SASH1: variants seen among roughly 807,000 people sequenced by gnomAD.
SASH1 encodes the protein SAM and SH3 domain-containing protein 1.
Under a neutral mutation model 125.2 loss-of-function variants are expected in SASH1, and 44 were observed. That is an observed-to-expected ratio of 0.35 (90% CI 0.28 to 0.45). SASH1 has a LOEUF of 0.45. Among genes scored for constraint, SASH1 ranks in the 20% least tolerant of loss-of-function variants. SASH1 has a pLI of 1.00. For synonymous variants in SASH1, 639 were observed against 649.1 expected (o/e 0.98, Z 0.24); for missense variants, 1,426 against 1,614.5 (o/e 0.88, Z 2.00).
At chr6:148,365,939 C>T (rs1782431849) in intron 1 of SASH1, among the ~76,000 whole-genome samples, 2 of 152,108 alleles carry the variant, frequency 1.3e-5, no homozygotes, top group African/African-American at 2.4e-5. Flanking sequence ...GTGGTGAAAC[C>T]TCATCTCTAC....
chr6:148,546,411 G>A (rs533635082), intron 19 of SASH1, among the ~76,000 whole-genome samples: 43 of 152,330 alleles, frequency 2.8e-4, no homozygotes, highest in Middle Eastern at 3.4e-3. Context: ...GTGCACACCT[G>A]TAATCCTAGT....
intron 6 of SASH1, 146 bp downstream of exon 6, chr6:148,471,649 A>G: frequency 1.6e-6 from 1 of 610,068 alleles, no homozygotes; most frequent in Non-Finnish European, 2.9e-6. Context: ...CATTTCTGTT[A>G]TTACTTTAAG....
chr6:148,447,676 C>CTCTTCTTCT lies in SASH1; in HGVS notation c.386+7271_386+7272insTTCTTCTTC, dbSNP rs879759256. 5.2e-3 allele frequency among the ~76,000 whole-genome samples: 353 copies of CTCTTCTTCT among 67,926 alleles called. 2 individuals carry two copies. Among genetic ancestry groups the CTCTTCTTCT allele is most frequent in the Non-Finnish European group, 0.01 (279 of 27,464 alleles). The allele number at this position is 67,926 out of a possible 152,430, so 44.6% of individuals were successfully genotyped here. ...CCTCCTCTTCTTCCTCTTGTTCTTCCTCCTCTTCTTCTTCCTCTTCTCCTC... is the reference window on the plus strand; with the variant it reads ...CCTCCTCTTCTTCCTCTTGTTCTTCCTCTTCTTCTTCCTCTTCTTCTTCCTCTTCTCCTC... On this transcript the variant is annotated intron_variant, in intron 4 of 19. Transcript: ENST00000367467.
At position 148,296,420 on chromosome 6, in the gene SASH1, C is replaced by T. The variant is rs183127087; in HGVS notation, n.74+24043C>T. ...GGATTACAGGCATGAGCCACTACCC[C>T]AGGCCCTTGTGTATTATTATCATTA... On this transcript the variant is annotated intron_variant and non_coding_transcript_variant, in intron 1 of 3. Coordinates refer to the SASH1 transcript ENST00000367469. 2.4e-3 allele frequency among the ~76,000 whole-genome samples: 362 copies of T among 152,328 alleles called. 2 individuals carry two copies. The highest frequency in any genetic ancestry group is 3.6e-3 in the Non-Finnish European group (245 of 68,034).
chr6:148,224,088 G>T, the SASH1 span, among the ~76,000 whole-genome samples: 1 of 152,202 alleles, frequency 6.6e-6, no homozygotes, highest in Non-Finnish European at 1.5e-5. Context: ...GAGGCCAGGA[G>T]TTTGAGCCCA....
At chr6:148,202,122 G>T in the SASH1 span, among the ~76,000 whole-genome samples, 3 of 152,012 alleles carry the variant, frequency 2.0e-5, no homozygotes, top group African/African-American at 4.8e-5. Flanking sequence ...GCAAATGCTG[G>T]ATTCAGTTTT....
chr6:148,314,410 C>T (rs1780424457), intron 1 of SASH1, among the ~76,000 whole-genome samples: 1 of 152,178 alleles, frequency 6.6e-6, no homozygotes, highest in Non-Finnish European at 1.5e-5. Flanking sequence ...AATCATTCAG[C>T]TTCTTGAAGA....
chr6:148,453,216 C>T (rs537010262), intron 4 of SASH1, among the ~76,000 whole-genome samples: 80 of 152,316 alleles, frequency 5.3e-4, no homozygotes, highest in Admixed American at 1.6e-3. Flanking sequence ...GCTGGGATGG[C>T]TGGGGACAGG....
In SASH1 at chr6:148,277,557, A is replaced by G. The variant is rs541168733; in HGVS notation, n.74+5180A>G. On this transcript the variant is annotated intron_variant and non_coding_transcript_variant, in intron 1 of 3. Transcript: ENST00000367469. ...AAGGACATTATCCTTATTCCAGGTA[A>G]TGTCCAGGAAATTCTACAAAAATTC... is the stretch of plus-strand genomic sequence containing the variant. Among the ~76,000 whole-genome samples the G allele has an allele frequency of 1.1e-4, 16 of 152,306 alleles. No homozygotes were observed. In the South Asian group the frequency reaches 3.3e-3, roughly 32 times the overall value.
In SASH1 at chr6:148,387,428, T is replaced by TCCTTTTTTCTTCTCTTCTCTTC. The variant is rs1431969381; in HGVS notation, c.157-2699_157-2678dup. ...CACCCGGCCCTCCTTTCTTTTCTTT[T>TCCTTTTTTCTTCTCTTCTCTTC]CCTTTTTTCTTCTCTTCTCTTCCCT... is the stretch of plus-strand genomic sequence containing the variant. On this transcript the variant is annotated intron_variant, in intron 1 of 19. Transcript: ENST00000367467. 1.8e-4 allele frequency among the ~76,000 whole-genome samples: 27 copies of TCCTTTTTTCTTCTCTTCTCTTC among 151,908 alleles called. No individual in the cohort carries two copies. The East Asian group carries it at 4.7e-3, about 26-fold the overall frequency.
At chr6:148,431,502 A>G (rs887621426) in intron 2 of SASH1, among the ~76,000 whole-genome samples, 11 of 152,180 alleles carry the variant, frequency 7.2e-5, no homozygotes, top group African/African-American at 2.7e-4. Flanking sequence ...CTGGCTGACA[A>G]TGTTGAATTT....
intron 4 of SASH1, among the ~76,000 whole-genome samples, chr6:148,466,337 C>G (rs1292613772): frequency 6.6e-6 from 1 of 152,232 alleles, no homozygotes; most frequent in Non-Finnish European, 1.5e-5. Context: ...GTTCTCTGCA[C>G]TCAGCCGTGG....
In SASH1 at chr6:148,536,893, T is replaced by G. The variant is rs188251164; in HGVS notation, c.2095+1992T>G. Among the ~76,000 whole-genome samples the G allele has an allele frequency of 1.0e-3, 152 of 152,342 alleles. 1 individual carries two copies. The highest frequency in any genetic ancestry group is 3.3e-3 in the African/African-American group (139 of 41,576). On this transcript the variant is annotated intron_variant, in intron 16 of 19. Coordinates refer to ENST00000367467, the MANE Select transcript of SASH1 (RefSeq NM_015278.5). ...GAAGACCTCTTTGCCTCTTCAGACATTCCATTGTGGATCTATTCTGCTCTG... is the reference window on the plus strand; with the variant it reads ...GAAGACCTCTTTGCCTCTTCAGACAGTCCATTGTGGATCTATTCTGCTCTG...
chr6:148,424,038 C>G (rs1040250567), intron 2 of SASH1, among the ~76,000 whole-genome samples: 1 of 151,044 alleles, frequency 6.6e-6, no homozygotes. Flanking sequence ...CCATCCCAGA[C>G]AGCAGACAGT....
At chr6:148,336,663 A>C (rs1781165025) in intron 1 of SASH1, among the ~76,000 whole-genome samples, 1 of 152,228 alleles carries the variant, frequency 6.6e-6, no homozygotes, top group South Asian at 2.1e-4. Context: ...AAAGCAAAGC[A>C]AACATTTGAT....
At chr6:148,254,334 A>G in the SASH1 span, among the ~76,000 whole-genome samples, 1 of 152,032 alleles carries the variant, frequency 6.6e-6, no homozygotes, top group Non-Finnish European at 1.5e-5. Flanking sequence ...CAATAATAAG[A>G]CAAGGTAAAA....
intron 8 of SASH1, among the ~76,000 whole-genome samples, chr6:148,499,816 C>T (rs1779488992): frequency 6.6e-6 from 1 of 152,106 alleles, no homozygotes. Flanking sequence ...ATTTTGACTT[C>T]TAGGGTATAG....
chr6:148,292,380 T>C (rs563807083), intron 1 of SASH1, among the ~76,000 whole-genome samples: 4 of 152,328 alleles, frequency 2.6e-5, no homozygotes, highest in Admixed American at 1.3e-4. Flanking sequence ...AGGCCCTACC[T>C]GCTTTATCCT....
chr6:148,477,650 C>T (rs926211103), intron 7 of SASH1, among the ~76,000 whole-genome samples: 6 of 151,450 alleles, frequency 4.0e-5, no homozygotes, highest in East Asian at 1.9e-4. Context: ...ATCGGCGTCC[C>T]GAATAGCTGG....
Sources: gnomAD v4.1 joint callset for allele counts (sites outside exome capture counted in the v4.1 genomes callset) on GRCh38, gnomAD v4.1.1 for gene constraint, MANE v1.5 for transcripts, NCBI Gene and HGNC (gene_info 2026-07-23, HGNC 2026-07-21) for gene names.